UNC45A: variants seen among roughly 807,000 people sequenced by gnomAD.
The protein encoded by UNC45A is protein unc-45 homolog A.
A neutral mutation model predicts 103.2 loss-of-function variants in UNC45A; 78 were observed. The observed-to-expected ratio is 0.76, with a 90% CI of 0.63 to 0.91. UNC45A has a LOEUF of 0.91. Ranked by LOEUF, UNC45A falls within the 40% of genes least tolerant of loss-of-function variation. The pLI, the probability that UNC45A is intolerant of heterozygous loss-of-function variation, is 0.00. For missense variants in UNC45A, 1,193 were observed against 1,224.8 expected (o/e 0.97, Z 0.39); for synonymous variants, 495 against 504.6 (o/e 0.98, Z 0.25).
Position 90,953,946 on chromosome 15 carries a change from C to T in UNC45A, c.*230C>T, listed in dbSNP as rs1193502916. ...CACTCAGAGGGGCCCTTTTTCTGTA[C>T]TACTGTAGTCAGCTGGGAATGGGGA... is the stretch of plus-strand genomic sequence containing the variant. On this transcript the variant is annotated 3_prime_UTR_variant, in exon 20 of 20. Coordinates refer to ENST00000418476, the MANE Select transcript of UNC45A (RefSeq NM_018671.5). 12 of 598,256 alleles carry T rather than the reference C, an allele frequency of 2.0e-5. No individual in the cohort carries two copies. In the African/African-American group the frequency reaches 2.2e-4, roughly 11 times the overall value. The allele number at this position is 598,256 out of a possible 1,614,324, so 37.1% of individuals were successfully genotyped here.
chr15:90,947,265 T>G (rs1423523156), intron 10 of UNC45A: 6 of 305,192 alleles, frequency 2.0e-5, no homozygotes, highest in Admixed American at 1.3e-4. Flanking sequence ...TCCATGGGGC[T>G]TAAGACTGGG....
chr15:90,953,410 A>T (rs1223143468), intron 19 of UNC45A, 49 bp from the exon 20 acceptor site: 2 of 1,605,044 alleles, frequency 1.2e-6, no homozygotes, highest in African/African-American at 2.7e-5. Context: ...TCCCTTGCCA[A>T]GGTTGAGCCT....
chr15:90,932,308 G>T (rs1596201555), upstream of UNC45A: 2 of 794,448 alleles, frequency 2.5e-6, no homozygotes, highest in South Asian at 1.9e-5. Flanking sequence ...AGGCTTAAAC[G>T]GTATATCGCA....
upstream of UNC45A, chr15:90,932,899 G>A (rs528155538): frequency 5.8e-5 from 13 of 224,684 alleles, no homozygotes; most frequent in Middle Eastern, 1.4e-3. Context: ...CTATGGGAGC[G>A]GGAAGAAAGA....
At chr15:90,943,106 C>T (rs1284660531) in intron 8 of UNC45A, 24 bp downstream of exon 8, 1 of 1,573,430 alleles carries the variant, frequency 6.4e-7, no homozygotes. Context: ...TTCACAAAAA[C>T]TTGCTTCAGC....
At chr15:90,942,261 A>G (rs2036330563) in intron 6 of UNC45A, among the ~76,000 whole-genome samples, 176 bp from the exon 7 acceptor site, 1 of 152,172 alleles carries the variant, frequency 6.6e-6, no homozygotes, top group South Asian at 2.1e-4. Context: ...CTTTCTAACA[A>G]AATTATCCTG....
At chr15:90,935,454 G>A (rs561969020) in intron 1 of UNC45A, 79 bp downstream of exon 1, 782 of 1,576,056 alleles carry the variant, frequency 5.0e-4, no homozygotes, top group Non-Finnish European at 3.8e-4. Flanking sequence ...CATCCATGAG[G>A]CTCGCCCCGA....
At chr15:90,936,110 C>T in intron 3 of UNC45A, 128 bp downstream of exon 3, 3 of 1,524,734 alleles carry the variant, frequency 2.0e-6, no homozygotes, top group Non-Finnish European at 2.6e-6. Flanking sequence ...TTCTTTCCCA[C>T]TGCCTCGGGC....
At chr15:90,942,187 A>G (rs544761690) in intron 6 of UNC45A, among the ~76,000 whole-genome samples, 28 of 152,176 alleles carry the variant, frequency 1.8e-4, no homozygotes, top group African/African-American at 6.7e-4. Context: ...GCAGTATACT[A>G]TGTCTTCTCT....
intron 13 of UNC45A, among the ~76,000 whole-genome samples, chr15:90,949,077 C>T (rs573848328): frequency 9.9e-5 from 15 of 152,006 alleles, no homozygotes; most frequent in Non-Finnish European, 1.5e-4. Flanking sequence ...AGTGTTTCAC[C>T]GTGTTAGCCA....
rs368628001 is a variant in UNC45A, at chr15:90,946,871, A to G, written c.1457A>G (p.Tyr486Cys). Reference protein sequence around the residue: ...ANGVSLLKDLYKCSEKDSIRI... With the variant: ...ANGVSLLKDLCKCSEKDSIRI... ...GGTGTCTCGCTGCTGAAGGACCTATATAAGTGCAGCGAGAAGGACAGCATC... is the reference window on the plus strand; with the variant it reads ...GGTGTCTCGCTGCTGAAGGACCTATGTAAGTGCAGCGAGAAGGACAGCATC... The change falls in exon 10 of 20, where the codon TAT (tyrosine) becomes TGT (cysteine). Residue 486 changes from tyrosine (Y) to cysteine (C), a missense_variant. Physicochemically the swap from Tyr to Cys is radical, Grantham distance 194 (BLOSUM62 -2). Coordinates refer to ENST00000418476, the MANE Select transcript of UNC45A (RefSeq NM_018671.5). 2.5e-5 allele frequency: 40 copies of G among 1,611,614 alleles called. No homozygotes were observed. Among genetic ancestry groups the G allele is most frequent in the Middle Eastern group, 1.7e-4 (1 of 6,050 alleles).
intron 9 of UNC45A, among the ~76,000 whole-genome samples, chr15:90,945,464 C>G (rs549511818): frequency 1.3e-5 from 2 of 151,582 alleles, no homozygotes; most frequent in African/African-American, 2.4e-5. Flanking sequence ...AGGGTTCAAG[C>G]GATTCTCCTG....
intron 8 of UNC45A, 106 bp downstream of exon 8, chr15:90,943,188 C>T: frequency 1.5e-6 from 2 of 1,349,096 alleles, no homozygotes; most frequent in South Asian, 1.5e-5. Context: ...GGATGACACA[C>T]TTTGAGAGGC....
chr15:90,950,989 G>A (rs2036874756), intron 17 of UNC45A, among the ~76,000 whole-genome samples: 1 of 151,618 alleles, frequency 6.6e-6, no homozygotes, highest in Non-Finnish European at 1.5e-5. Flanking sequence ...CCCTAGCATT[G>A]TGCCATATCA....
rs1285385000 is a variant in UNC45A, at chr15:90,944,910, A to G, written c.1046A>G (p.Glu349Gly). The G allele has an allele frequency of 6.2e-7, 1 of 1,611,916 alleles. No individual in the cohort carries two copies. Among genetic ancestry groups the G allele is most frequent in the African/African-American group, 1.3e-5 (1 of 74,784 alleles). ...TTTACAGGTCTGAAAAAGATTTTGG[A>G]AGTGGGGGGCTCTCTACAGGACCCT... ...VIDQGLKKIL[E>G]VGGSLQDPPG... Residue 349 changes from glutamate to glycine, a missense_variant, in exon 9 of 20, where the codon GAA becomes GGA. Coordinates refer to ENST00000418476, the MANE Select transcript of UNC45A (RefSeq NM_018671.5).
At chr15:90,936,570 C>T in intron 4 of UNC45A, 110 bp downstream of exon 4, 1 of 1,340,068 alleles carries the variant, frequency 7.5e-7, no homozygotes, top group Non-Finnish European at 1.0e-6. Flanking sequence ...GTGAACCTTG[C>T]CTGTGGCCAG....
intron 2 of UNC45A, 77 bp downstream of exon 2, chr15:90,935,782 C>A (rs900452998): frequency 3.2e-5 from 49 of 1,518,864 alleles, no homozygotes; most frequent in Non-Finnish European, 4.2e-5. Flanking sequence ...TGGGCCCCAG[C>A]TGGACATTCA....
chr15:90,945,387 G>A (rs1283005785), intron 9 of UNC45A, among the ~76,000 whole-genome samples: 2 of 150,882 alleles, frequency 1.3e-5, no homozygotes, highest in African/African-American at 2.4e-5. Flanking sequence ...TTGAGACAGA[G>A]TTTCACTCTT....
intron 5 of UNC45A, 22 bp downstream of exon 5, chr15:90,939,845 A>C: frequency 1.2e-6 from 2 of 1,610,650 alleles, no homozygotes; most frequent in Non-Finnish European, 8.5e-7. Flanking sequence ...GGGCTGAGTC[A>C]GTGAGTGAGC....
Sources: gnomAD v4.1 joint callset for allele counts (sites outside exome capture counted in the v4.1 genomes callset) on GRCh38, gnomAD v4.1.1 for gene constraint, MANE v1.5 for transcripts, NCBI Gene and HGNC (gene_info 2026-07-23, HGNC 2026-07-21) for gene names.